The following IQCH variants were observed in gnomAD, a reference collection of about 807,000 sequenced individuals.
IQCH encodes the protein IQ motif containing H.
Under a neutral mutation model 117.0 loss-of-function variants are expected in IQCH, and 98 were observed. That is an observed-to-expected ratio of 0.84 (90% confidence interval 0.71 to 0.99). IQCH has a LOEUF of 0.99. IQCH is among the 50% of genes least tolerant of loss of function. The probability of loss-of-function intolerance (pLI) is 0.00; values close to 1 mark genes in which losing one functional copy is unlikely to be tolerated. For missense variants in IQCH, 1,102 were observed against 1,243.8 expected, an observed-to-expected ratio of 0.89 and a Z score of 1.72; for synonymous variants, 412 against 448.2, an observed-to-expected ratio of 0.92 and a Z score of 1.02.
At position 67,422,664 on chromosome 15, in the gene IQCH, T is replaced by C. The variant is rs537424258; in HGVS notation, c.2505+1087T>C. 5.3e-4 allele frequency among the ~76,000 whole-genome samples: 80 copies of C among 152,372 alleles called. No individual in the cohort carries two copies. Among genetic ancestry groups the C allele is most frequent in the Admixed American group, 2.9e-3 (44 of 15,306 alleles). ...TTCTATCTATTATTATTTTACTGTATGCTTTTGTTTAATATTCCATTTGTG... is the reference window on the plus strand; with the variant it reads ...TTCTATCTATTATTATTTTACTGTACGCTTTTGTTTAATATTCCATTTGTG... On this transcript the variant is annotated intron_variant, in intron 16 of 20. Transcript: ENST00000335894. This position sits in a 1 kb window ranked among gnomAD's most constrained non-coding sequence, Gnocchi z 4.7.
Position 67,373,309 on chromosome 15 carries a change from G to A in IQCH, c.1306-58G>A. On this transcript the variant is annotated intron_variant, in intron 9 of 20. Transcript: ENST00000335894. Reference sequence around the variant, plus strand: ...TACAGTGGAAAAACAGCTGAAGTTTGACTAGATGAATCCACTACAGCTTCC... The same window carrying A: ...TACAGTGGAAAAACAGCTGAAGTTTAACTAGATGAATCCACTACAGCTTCC... 7 of 1,117,484 alleles carry A rather than the reference G, an allele frequency of 6.3e-6. 1 individual carries two copies. The South Asian group carries it at 8.8e-5, about 14-fold the overall frequency. 69.2% of individuals were successfully genotyped at this position (1,117,484 alleles called of 1,614,324 possible).
At chr15:67,288,259 A>G (rs1966634315) in intron 4 of IQCH, among the ~76,000 whole-genome samples, 1 of 152,078 alleles carries the variant, frequency 6.6e-6, no homozygotes, top group East Asian at 1.9e-4. Context: ...TATTAAGTCC[A>G]TTTGATCTGT....
rs1047764107 is a variant in IQCH at position 67,427,668 on chromosome 15, C to T, written c.2505+6091C>T. On this transcript the variant is annotated intron_variant, in intron 16 of 20. Transcript: ENST00000335894. The surrounding 1 kb of genome is among the most constrained non-coding windows in gnomAD (Gnocchi z 4.7). Reference sequence around the variant, plus strand: ...TCTTTATTTCAATAACATTTTAAAGCACTTATTTTCTGTATCAGCAAATTC... The same window carrying T: ...TCTTTATTTCAATAACATTTTAAAGTACTTATTTTCTGTATCAGCAAATTC... 6.6e-6 allele frequency among the ~76,000 whole-genome samples: 1 copy of T among 152,100 alleles called. No individual in the cohort carries two copies. The highest frequency in any genetic ancestry group is 1.5e-5 in the Non-Finnish European group (1 of 68,024).
At chr15:67,409,425 C>T (rs2140888997) in intron 14 of IQCH, among the ~76,000 whole-genome samples, 1 of 152,284 alleles carries the variant, frequency 6.6e-6, no homozygotes, top group East Asian at 1.9e-4. Context: ...ATGAACCTCT[C>T]TAGTGTTTGT....
chr15:67,261,308 A>C lies in IQCH; in HGVS notation c.88A>C (p.Thr30Pro). ...EDLYQLKEKL[T>P]KFSPEEKGET... ...CCTTTATCAGTTAAAGGAGAAATTA[A>C]CAAAATTCTCACCTGAGGAAAAAGG... Residue 30 changes from threonine to proline, a missense_variant, in exon 2 of 21, where the codon ACA (threonine) becomes CCA (proline). By Grantham distance (38) the Thr-to-Pro change is conservative (BLOSUM62 -1). Around this residue, in one of 2 missense-constraint regions of IQCH, gnomAD observed 452 missense variants for 449.6 expected, o/e 1.01. Coordinates refer to ENST00000335894, the MANE Select transcript of IQCH (RefSeq NM_001031715.3). The C allele has an allele frequency of 6.4e-7, 1 of 1,571,386 alleles. No individual in the cohort carries two copies. Among genetic ancestry groups the C allele is most frequent in the Non-Finnish European group, 8.6e-7 (1 of 1,160,110 alleles).
chr15:67,374,753 C>T (rs1300187911), intron 10 of IQCH, among the ~76,000 whole-genome samples: 5 of 152,156 alleles, frequency 3.3e-5, no homozygotes, highest in Non-Finnish European at 7.4e-5. Flanking sequence ...ACTACTTTTA[C>T]ACACAAAATT....
chr15:67,381,198 A>G lies in IQCH; in HGVS notation c.1373-3738A>G, dbSNP rs754138925. On this transcript the variant is annotated intron_variant, in intron 10 of 20. Transcript: ENST00000335894. The surrounding 1 kb of genome is among the most constrained non-coding windows in gnomAD (Gnocchi z 5.1). ...CTAGTTTGCTGGATGCAAAGAGGCA[A>G]TTAGTGTCATCTGATAGATGTTTAT... 1.3e-5 allele frequency among the ~76,000 whole-genome samples: 2 copies of G among 152,214 alleles called. No individual in the cohort carries two copies. Among genetic ancestry groups the G allele is most frequent in the Non-Finnish European group, 2.9e-5 (2 of 68,034 alleles).
At chr15:67,307,331 C>A in intron 4 of IQCH, 1 of 207,056 alleles carries the variant, frequency 4.8e-6, no homozygotes, top group Non-Finnish European at 8.5e-6. Context: ...AGTTGGGTAG[C>A]AACCACACTT....
intron 14 of IQCH, among the ~76,000 whole-genome samples, chr15:67,412,120 G>A (rs946295678): frequency 3.3e-5 from 5 of 152,196 alleles, no homozygotes; most frequent in African/African-American, 4.8e-5. Context: ...AAAGCTAGCC[G>A]CTAATTGCAT....
chr15:67,278,355 T>G (rs1051426052), intron 3 of IQCH, among the ~76,000 whole-genome samples: 7 of 152,174 alleles, frequency 4.6e-5, no homozygotes, highest in Non-Finnish European at 8.8e-5. Flanking sequence ...TGTGGGACCC[T>G]CTAAGATTCT....
chr15:67,268,314 A>G (rs1293324739), intron 3 of IQCH, among the ~76,000 whole-genome samples: 1 of 152,244 alleles, frequency 6.6e-6, no homozygotes, highest in Non-Finnish European at 1.5e-5. Context: ...GGACGTTGTC[A>G]AAAGAGCTCA....
intron 16 of IQCH, among the ~76,000 whole-genome samples, chr15:67,450,070 G>A (rs1327613628): frequency 6.6e-6 from 1 of 152,186 alleles, no homozygotes; most frequent in East Asian, 1.9e-4. Context: ...TTTGCACATT[G>A]ATTTTGTAAC....
chr15:67,457,046 C>T lies in IQCH; in HGVS notation c.2506-8081C>T, dbSNP rs1324406365. On this transcript the variant is annotated intron_variant, in intron 16 of 20. Coordinates refer to ENST00000335894, the MANE Select transcript of IQCH (RefSeq NM_001031715.3). This position sits in a 1 kb window ranked among gnomAD's most constrained non-coding sequence, Gnocchi z 5.7. ...AAAACCAAGAGGCTCAATTGCTGAC[C>T]GGGGTGACTGCCCTGTACAGCGACA... Among the ~76,000 whole-genome samples the T allele has an allele frequency of 6.6e-6, 1 of 152,140 alleles. No homozygotes were observed. Among genetic ancestry groups the T allele is most frequent in the African/African-American group, 2.4e-5 (1 of 41,434 alleles).
At chr15:67,324,013 G>A (rs1370232794) in intron 4 of IQCH, among the ~76,000 whole-genome samples, 1 of 139,660 alleles carries the variant, frequency 7.2e-6, no homozygotes, top group Non-Finnish European at 1.5e-5. Flanking sequence ...GCGTGATCTC[G>A]GCTCACTGCA....
intron 16 of IQCH, among the ~76,000 whole-genome samples, chr15:67,461,295 G>C (rs1234671971): frequency 6.6e-6 from 1 of 152,196 alleles, no homozygotes; most frequent in Admixed American, 6.5e-5. Context: ...AATATTTGCT[G>C]CATTTGAATC....
chr15:67,400,850 T>C (rs1971632171), intron 14 of IQCH, among the ~76,000 whole-genome samples: 1 of 152,076 alleles, frequency 6.6e-6, no homozygotes, highest in Admixed American at 6.6e-5. Flanking sequence ...CATCTTGAAA[T>C]TGATTATGAT....
chr15:67,421,432 C>T lies in IQCH; in HGVS notation c.2360C>T (p.Thr787Ile). The stretch of plus-strand genomic sequence containing the variant: ...GAAAGCCCCTTCATCTCCTCTGGTA[C>T]CACCGTGCCTCAGACCTCAGTGGAT... ...HAESPFISSG[T>I]TVPQTSVDPQ... Residue 787 changes from threonine to isoleucine, a missense_variant, in exon 16 of 21, where the codon ACC becomes ATC. This residue lies in a region of IQCH where 650 missense variants were observed against 794.3 expected (regional missense o/e 0.82). Coordinates refer to ENST00000335894, the MANE Select transcript of IQCH (RefSeq NM_001031715.3). 6.2e-7 allele frequency: 1 copy of T among 1,614,206 alleles called. No homozygotes were observed. The highest frequency in any genetic ancestry group is 1.1e-5 in the South Asian group (1 of 91,080).
rs1966569587 is a variant in IQCH, at chr15:67,286,592, T to G, written c.387+7080T>G. 4.0e-5 allele frequency among the ~76,000 whole-genome samples: 4 copies of G among 100,566 alleles called. No homozygotes were observed. The South Asian group carries it at 1.4e-3, about 35-fold the overall frequency. The allele number at this position is 100,566 out of a possible 152,430, so 66.0% of individuals were successfully genotyped here. ...TCTGTCATATATGGCTTTTATTTAT[T>G]TATTTATTTATTTATTTATTTATGT... On this transcript the variant is annotated intron_variant, in intron 4 of 20. Transcript: ENST00000335894.
chr15:67,418,552 C>CACACACACA (rs1033560507), intron 15 of IQCH, among the ~76,000 whole-genome samples: 3 of 148,324 alleles, frequency 2.0e-5, no homozygotes, highest in Non-Finnish European at 4.5e-5. Flanking sequence ...CACACACACA[C>CACACACACA]AAGATCAATA....
Sources: allele counts gnomAD v4.1 joint callset (sites outside exome capture counted in the v4.1 genomes callset), GRCh38; gene constraint gnomAD v4.1.1; regional missense constraint gnomAD v4.1.1; non-coding constraint Gnocchi (gnomAD v3.1); transcripts MANE v1.5; gene names NCBI Gene and HGNC (gene_info 2026-07-23, HGNC 2026-07-21).